CCDC141: variants seen among roughly 807,000 people sequenced by gnomAD.
The protein encoded by CCDC141 is coiled-coil domain containing 141, also known as coiled-coil domain-containing protein 141.
Under a neutral mutation model 181.0 loss-of-function variants are expected in CCDC141, and 168 were observed. The observed-to-expected ratio is 0.93, with a 90% confidence interval of 0.82 to 1.05. The LOEUF is 1.05. Among genes scored for constraint, CCDC141 ranks in the 50% least tolerant of loss-of-function variants. The pLI is 0.00. For synonymous variants in CCDC141, 666 were observed against 642.3 expected (o/e 1.04, Z -0.56); for missense variants, 1,902 against 1,788.5 (o/e 1.06, Z -1.14).
the CCDC141 span, among the ~76,000 whole-genome samples, chr2:178,815,333 T>G: frequency 6.6e-6 from 1 of 152,214 alleles, no homozygotes; most frequent in Admixed American, 6.5e-5. Context: ...CAGGACTTCC[T>G]AATTGCTTAT....
At chr2:178,972,942 A>G (rs1222534735) in intron 4 of CCDC141, among the ~76,000 whole-genome samples, 1 of 152,214 alleles carries the variant, frequency 6.6e-6, no homozygotes, top group East Asian at 1.9e-4. Flanking sequence ...TAAAGTGACT[A>G]TTAGGGGTAA....
At chr2:178,853,946 A>C (rs140858963) in intron 19 of CCDC141, among the ~76,000 whole-genome samples, 1 of 152,244 alleles carries the variant, frequency 6.6e-6, no homozygotes, top group East Asian at 1.9e-4. Flanking sequence ...CAGACTTATA[A>C]GAACAGGCAG....
At chr2:178,920,107 T>A (rs1259575507) in intron 6 of CCDC141, among the ~76,000 whole-genome samples, 1 of 152,210 alleles carries the variant, frequency 6.6e-6, no homozygotes, top group Admixed American at 6.5e-5. Flanking sequence ...AGAATGATTA[T>A]CTCTAACATG....
chr2:179,048,926 C>G (rs1187137376), intron 1 of CCDC141, among the ~76,000 whole-genome samples: 2 of 152,190 alleles, frequency 1.3e-5, no homozygotes, highest in African/African-American at 4.8e-5. Flanking sequence ...TGTCCATGCT[C>G]TAACAAAAGG....
At chr2:178,882,376 T>C (rs1023065709) in intron 11 of CCDC141, among the ~76,000 whole-genome samples, 11 of 152,050 alleles carry the variant, frequency 7.2e-5, no homozygotes, top group East Asian at 5.8e-4. Context: ...TCTGAAATAA[T>C]AGTAATAATA....
At chr2:178,965,323 C>T (rs1044013063) in intron 4 of CCDC141, among the ~76,000 whole-genome samples, 13 of 152,176 alleles carry the variant, frequency 8.5e-5, no homozygotes, top group African/African-American at 2.9e-4. Context: ...AAAACATCCA[C>T]GATTGCTGGC....
chr2:178,830,486 A>G lies in CCDC141; in HGVS notation c.*3687T>C, dbSNP rs925389223. ...TTTACATTTCCCCTCTCCTCCCTCT[A>G]AAAAGGGGAGAAAAACAAGCTAGGT... is the stretch of plus-strand genomic sequence containing the variant. On this transcript the variant is annotated 3_prime_UTR_variant, in exon 24 of 24. Transcript: ENST00000443758. 5 of 152,186 alleles carry G rather than the reference A, an allele frequency of 3.3e-5. No individual in the cohort carries two copies. The highest frequency in any genetic ancestry group is 1.2e-4 in the African/African-American group (5 of 41,440). The allele number at this position is 152,186 out of a possible 1,614,324, so 9.4% of individuals were successfully genotyped here.
chr2:178,918,615 C>T (rs1575215704), intron 7 of CCDC141, 98 bp downstream of exon 7: 12 of 909,918 alleles, frequency 1.3e-5, no homozygotes, highest in East Asian at 2.7e-5. Context: ...TTTTACATGG[C>T]GTTTTGACTT....
chr2:178,989,601 A>AT (rs1553498029), intron 2 of CCDC141, among the ~76,000 whole-genome samples: 10 of 92,442 alleles, frequency 1.1e-4, no homozygotes, highest in African/African-American at 4.3e-4. Context: ...CTCAAAAAAA[A>AT]AAAAAAATAA....
At chr2:178,978,391 T>C in intron 3 of CCDC141, 93 bp downstream of exon 3, 2 of 814,488 alleles carry the variant, frequency 2.5e-6, no homozygotes, top group Non-Finnish European at 3.4e-6. Flanking sequence ...TTTTAACTGC[T>C]TGCAATGTCT....
chr2:178,900,436 A>G (rs974384594), intron 8 of CCDC141, among the ~76,000 whole-genome samples: 1 of 152,192 alleles, frequency 6.6e-6, no homozygotes, highest in Non-Finnish European at 1.5e-5. Flanking sequence ...CATGACATTT[A>G]AACTTAACTT....
Position 178,837,511 on chromosome 2 carries a change from C to T in CCDC141, c.3708G>A (p.Glu1236=). 5.0e-6 allele frequency: 8 copies of T among 1,614,054 alleles called. No individual in the cohort carries two copies. Among genetic ancestry groups the T allele is most frequent in the African/African-American group, 1.3e-5 (1 of 75,048 alleles). Residue 1236 remains glutamate, a synonymous_variant, in exon 23 of 24, where the codon GAG becomes GAA. Coordinates refer to ENST00000443758, the MANE Select transcript of CCDC141 (RefSeq NM_173648.4). The part of the protein sequence containing the change: ...PLAPSDMEVE[E]PVSSSLSLHI... ...GAAGGCTGAGGGAGGAGCTGACAGG[C>T]TCTTCCACCTCCATGTCAGATGGTG...
chr2:178,861,236 A>T (rs917070259), intron 17 of CCDC141, among the ~76,000 whole-genome samples: 1 of 151,820 alleles, frequency 6.6e-6, no homozygotes, highest in African/African-American at 2.4e-5. Flanking sequence ...ACGTGATCAC[A>T]GCTCACTGTA....
intron 8 of CCDC141, among the ~76,000 whole-genome samples, chr2:178,900,571 A>G (rs1363308338): frequency 6.6e-6 from 1 of 152,142 alleles, no homozygotes; most frequent in African/African-American, 2.4e-5. Flanking sequence ...AAAGAAGCAA[A>G]TAAACGTATC....
intron 2 of CCDC141, among the ~76,000 whole-genome samples, chr2:178,984,459 ATAACACTAC>A (rs1182438301): frequency 6.6e-6 from 1 of 152,162 alleles, no homozygotes; most frequent in Non-Finnish European, 1.5e-5. Flanking sequence ...AAATTCACAC[ATAACACTAC>A]TAACTTTAAA....
chr2:178,953,222 G>A (rs796485635), intron 5 of CCDC141, among the ~76,000 whole-genome samples: 11 of 152,252 alleles, frequency 7.2e-5, no homozygotes, highest in African/African-American at 2.6e-4. Context: ...GGATCACAAT[G>A]TCAGAAGATC....
At chr2:178,892,306 A>T (rs916433100) in intron 8 of CCDC141, among the ~76,000 whole-genome samples, 3 of 151,934 alleles carry the variant, frequency 2.0e-5, no homozygotes, top group African/African-American at 7.3e-5. Flanking sequence ...TCCTGTGTGT[A>T]CTCCACTCTC....
intron 19 of CCDC141, 137 bp downstream of exon 19, chr2:178,855,210 A>G (rs2154367533): frequency 1.5e-6 from 1 of 680,674 alleles, no homozygotes; most frequent in African/African-American, 1.9e-5. Context: ...GAATTATCCT[A>G]AGGAAAAAAA....
chr2:178,937,861 G>T (rs1213590138), intron 6 of CCDC141, among the ~76,000 whole-genome samples: 1 of 152,002 alleles, frequency 6.6e-6, no homozygotes, highest in Admixed American at 6.6e-5. Context: ...GGTGTTCGTT[G>T]TAGTTTCTGA....
Sources: gnomAD v4.1 joint callset for allele counts (sites outside exome capture counted in the v4.1 genomes callset) on GRCh38, gnomAD v4.1.1 for gene constraint, MANE v1.5 for transcripts, NCBI Gene and HGNC (gene_info 2026-07-23, HGNC 2026-07-21) for gene names.